MICAL2: variants seen among roughly 807,000 people sequenced by gnomAD.
MICAL2 encodes the protein [F-actin]-monooxygenase MICAL2.
A neutral mutation model predicts 127.3 loss-of-function variants in MICAL2; 77 were observed. That is an observed-to-expected ratio of 0.60 (90% confidence interval 0.50 to 0.73). MICAL2 has a LOEUF of 0.73. Among genes scored for constraint, MICAL2 ranks in the 30% least tolerant of loss-of-function variants. The pLI, the probability that MICAL2 is intolerant of heterozygous loss-of-function variation, is 0.00. For synonymous variants in MICAL2, 570 were observed against 551.1 expected (o/e 1.03, Z -0.48); for missense variants, 1,351 against 1,434.4 (o/e 0.94, Z 0.94).
At chr11:12,140,134 G>A (rs1852204964) in intron 2 of MICAL2, among the ~76,000 whole-genome samples, 2 of 152,334 alleles carry the variant, frequency 1.3e-5, no homozygotes, top group African/African-American at 4.8e-5. Flanking sequence ...TAGGTACCTT[G>A]GATTATTTTC....
intron 11 of MICAL2, 147 bp downstream of exon 11, chr11:12,222,890 T>G: frequency 9.8e-7 from 1 of 1,024,184 alleles, no homozygotes; most frequent in Non-Finnish European, 1.4e-6. Context: ...CCAGTTCTTC[T>G]CCCCACTCGA....
intron 29 of MICAL2, among the ~76,000 whole-genome samples, chr11:12,307,181 T>A (rs1602972): frequency 0.47 from 70,934 of 152,046 alleles, 18,316 homozygotes; most frequent in Non-Finnish European, 0.59. Flanking sequence ...TAATTTGCAT[T>A]TCCCTAGTGA....
intron 32 of MICAL2, among the ~76,000 whole-genome samples, chr11:12,339,994 A>C (rs1390234489): frequency 6.6e-6 from 1 of 152,058 alleles, no homozygotes; most frequent in East Asian, 1.9e-4. Context: ...TGCAGAAATC[A>C]CCCATCTTCT....
chr11:12,288,740 G>A (rs576585594), downstream of MICAL2, among the ~76,000 whole-genome samples: 2 of 152,286 alleles, frequency 1.3e-5, no homozygotes, highest in East Asian at 3.9e-4. Context: ...TACAAAGGGA[G>A]GACATGGATT....
chr11:12,167,788 G>A (rs1372485358), intron 3 of MICAL2, among the ~76,000 whole-genome samples: 5 of 152,136 alleles, frequency 3.3e-5, no homozygotes, highest in Admixed American at 3.3e-4. Context: ...TTGTACCAAT[G>A]GTTGCATTTG....
intron 5 of MICAL2, among the ~76,000 whole-genome samples, chr11:12,208,752 C>T (rs534080016): frequency 6.6e-6 from 1 of 152,344 alleles, no homozygotes; most frequent in East Asian, 1.9e-4. Context: ...GATGCCTCTG[C>T]ATCTTACTTA....
chr11:12,310,953 T>G (rs2134822747), intron 29 of MICAL2, among the ~76,000 whole-genome samples: 1 of 152,276 alleles, frequency 6.6e-6, no homozygotes, highest in South Asian at 2.1e-4. Flanking sequence ...TGGGATTGCT[T>G]TCTTGATTTC....
chr11:12,121,101 G>A (rs1303365565), intron 1 of MICAL2, among the ~76,000 whole-genome samples: 1 of 152,202 alleles, frequency 6.6e-6, no homozygotes, highest in Non-Finnish European at 1.5e-5. Context: ...TAGGGTCTTA[G>A]GATATGGGAC....
chr11:12,357,231 C>A (rs888216933), intron 34 of MICAL2, among the ~76,000 whole-genome samples: 4 of 152,204 alleles, frequency 2.6e-5, no homozygotes. Flanking sequence ...GACACAGGGG[C>A]TCTAGGAATT....
intron 32 of MICAL2, among the ~76,000 whole-genome samples, chr11:12,340,358 A>G (rs1166367167): frequency 2.0e-5 from 3 of 152,244 alleles, no homozygotes; most frequent in Non-Finnish European, 4.4e-5. Context: ...CTATTAAATT[A>G]TTAGAACTTT....
chr11:12,121,922 G>A (rs1850539728), intron 1 of MICAL2, among the ~76,000 whole-genome samples: 1 of 152,220 alleles, frequency 6.6e-6, no homozygotes, highest in Non-Finnish European at 1.5e-5. Context: ...GGTATTGATG[G>A]GATTTGGGGT....
chr11:12,155,447 T>C (rs1403240547), intron 2 of MICAL2, among the ~76,000 whole-genome samples: 4 of 151,980 alleles, frequency 2.6e-5, no homozygotes, highest in Non-Finnish European at 5.9e-5. Flanking sequence ...TATACACACA[T>C]GCACACATAT....
At chr11:12,229,729 G>A (rs758748569) in intron 15 of MICAL2, among the ~76,000 whole-genome samples, 25 of 152,194 alleles carry the variant, frequency 1.6e-4, no homozygotes, top group Non-Finnish European at 2.9e-4. Context: ...GCCTCCCAAG[G>A]GCTGAGGGCC....
In MICAL2 at chr11:12,170,201, G is replaced by C. The variant is rs534827921; in HGVS notation, c.264+7782G>C. ...CCCATTTCTCACTCCTATAACCCCA[G>C]CACTTTGGGAGGCCTAGGTGGGTGG... On this transcript the variant is annotated intron_variant, in intron 3 of 27. Coordinates refer to ENST00000683283, the MANE Select transcript of MICAL2 (RefSeq NM_001282663.2). 8.5e-5 allele frequency among the ~76,000 whole-genome samples: 13 copies of C among 152,264 alleles called. No individual in the cohort carries two copies. In the South Asian group the frequency reaches 2.5e-3, roughly 29 times the overall value.
At chr11:12,352,481 C>T (rs1939066049) in intron 33 of MICAL2, among the ~76,000 whole-genome samples, 1 of 152,218 alleles carries the variant, frequency 6.6e-6, no homozygotes, top group Admixed American at 6.5e-5. Context: ...CCCATAACTG[C>T]AGCTTCCCCG....
At chr11:12,292,831 A>T (rs1390207704), downstream of MICAL2, among the ~76,000 whole-genome samples, 6 of 152,196 alleles carry the variant, frequency 3.9e-5, no homozygotes, top group Admixed American at 3.9e-4. Flanking sequence ...GACAGAAAAG[A>T]TGGGTGCTCT....
rs16910660 is a variant in MICAL2, at chr11:12,156,264, G to A, written c.-77-5815G>A. On this transcript the variant is annotated intron_variant, in intron 2 of 27. Transcript: ENST00000683283. ...TCTTTCATTGGCCTTTCGTAGTAGG[G>A]GTTTCAGACAGCATGTATAAGAGGA... Among the ~76,000 whole-genome samples, 324 of 152,264 alleles carry A rather than the reference G, an allele frequency of 2.1e-3. 7 individuals carry two copies. In the East Asian group the frequency reaches 0.03, roughly 14 times the overall value.
chr11:12,188,184 T>A (rs1858570323), intron 3 of MICAL2, among the ~76,000 whole-genome samples: 1 of 152,246 alleles, frequency 6.6e-6, no homozygotes, highest in Non-Finnish European at 1.5e-5. Flanking sequence ...AAAAAATGAT[T>A]ATCAAATATT....
At chr11:12,142,030 A>G (rs761810464) in intron 2 of MICAL2, among the ~76,000 whole-genome samples, 5 of 152,244 alleles carry the variant, frequency 3.3e-5, no homozygotes, top group Admixed American at 6.5e-5. Flanking sequence ...AAGCACACCC[A>G]TAGCGCAAGC....
Sources: allele counts gnomAD v4.1 joint callset (sites outside exome capture counted in the v4.1 genomes callset), GRCh38; gene constraint gnomAD v4.1.1; transcripts MANE v1.5; gene names NCBI Gene and HGNC (gene_info 2026-07-23, HGNC 2026-07-21).